Variants in DENND2A observed in about 807,000 individuals in gnomAD.
The protein encoded by DENND2A is DENN domain-containing protein 2A.
Under a neutral mutation model 105.3 loss-of-function variants are expected in DENND2A, and 53 were observed. The observed-to-expected ratio is 0.50, with a 90% CI of 0.40 to 0.63. The LOEUF is 0.63. Among genes scored for constraint, DENND2A ranks in the 30% least tolerant of loss-of-function variants. The pLI, the probability that DENND2A is intolerant of heterozygous loss-of-function variation, is 0.00. For synonymous variants in DENND2A, 522 were observed against 508.4 expected (o/e 1.03, Z -0.36); for missense variants, 1,138 against 1,279.6 (o/e 0.89, Z 1.69).
chr7:140,555,727 A>C lies in DENND2A; in HGVS notation c.1960-14T>G, dbSNP rs757757651. ...TTTGCCTCCAGGCTTTTCGGAGAGA[A>C]ACACAAGGGAATTATGAGTGTTGAC... On this transcript the variant is annotated splice_polypyrimidine_tract_variant and intron_variant, in intron 11 of 19. Coordinates refer to ENST00000496613, the MANE Select transcript of DENND2A (RefSeq NM_015689.5). 1 of 1,589,360 alleles carries C rather than the reference A, an allele frequency of 6.3e-7. No homozygotes were observed. Among genetic ancestry groups the C allele is most frequent in the Admixed American group, 1.9e-5 (1 of 51,472 alleles).
rs550459576 is a variant in DENND2A at position 140,536,174 on chromosome 7, GA to G, written c.2327+8443del. 1.9e-3 allele frequency among the ~76,000 whole-genome samples: 296 copies of G among 152,206 alleles called. 2 individuals are homozygous for G. Among genetic ancestry groups the G allele is most frequent in the African/African-American group, 6.5e-3 (270 of 41,544 alleles). ...TTGAGACCAGCCTGGCCAACATAGT[GA>G]AACCCCGTCTCTACTAAAAATGCAG... On this transcript the variant is annotated intron_variant, in intron 14 of 19. Coordinates refer to ENST00000496613, the MANE Select transcript of DENND2A (RefSeq NM_015689.5).
intron 13 of DENND2A, among the ~76,000 whole-genome samples, chr7:140,546,193 G>A (rs1796895812): frequency 6.6e-6 from 1 of 152,084 alleles, no homozygotes; most frequent in African/African-American, 2.4e-5. Flanking sequence ...GCTGAGGCGG[G>A]TGGATAATGA....
At chr7:140,626,956 G>A (rs370394887) in intron 1 of DENND2A, among the ~76,000 whole-genome samples, 2 of 152,244 alleles carry the variant, frequency 1.3e-5, no homozygotes, top group Admixed American at 6.5e-5. Flanking sequence ...GGAGAGCTGC[G>A]GGACCTCGAT....
chr7:140,619,335 A>G (rs1800195795), intron 1 of DENND2A, among the ~76,000 whole-genome samples: 1 of 152,146 alleles, frequency 6.6e-6, no homozygotes, highest in Admixed American at 6.5e-5. Flanking sequence ...GATTCTATAG[A>G]GACAGAAAGT....
At chr7:140,595,977 G>C (rs927030040) in intron 3 of DENND2A, among the ~76,000 whole-genome samples, 1 of 152,092 alleles carries the variant, frequency 6.6e-6, no homozygotes, top group African/African-American at 2.4e-5. Flanking sequence ...AGGTGCTCAG[G>C]GCAGGCGGCT....
intron 19 of DENND2A, among the ~76,000 whole-genome samples, chr7:140,519,244 A>G (rs6464818): frequency 0.16 from 24,345 of 151,958 alleles, 3,345 homozygotes; most frequent in African/African-American, 0.38. Context: ...TGATTAAACT[A>G]CAGTCCTTGT....
At chr7:140,605,510 A>G (rs1474985518) in intron 2 of DENND2A, among the ~76,000 whole-genome samples, 195 bp downstream of exon 2, 1 of 145,422 alleles carries the variant, frequency 6.9e-6, no homozygotes, top group Non-Finnish European at 1.5e-5. Flanking sequence ...ACTGGCCATT[A>G]GTCAGACTCT....
At chr7:140,561,304 G>T (rs1037439369) in intron 9 of DENND2A, among the ~76,000 whole-genome samples, 3 of 152,010 alleles carry the variant, frequency 2.0e-5, no homozygotes, top group South Asian at 2.1e-4. Flanking sequence ...GAGAATTGTA[G>T]GCTTTGTTGC....
intron 3 of DENND2A, among the ~76,000 whole-genome samples, chr7:140,592,861 C>A (rs269240): frequency 3.3e-5 from 5 of 152,060 alleles, no homozygotes; most frequent in Admixed American, 6.6e-5. Context: ...CCTCAGCCCC[C>A]CAAAGTGCTG....
chr7:140,627,064 C>A (rs936622064), intron 1 of DENND2A, among the ~76,000 whole-genome samples: 1 of 152,170 alleles, frequency 6.6e-6, no homozygotes, highest in Non-Finnish European at 1.5e-5. Context: ...GAAATTGCAC[C>A]TGTAAAACAT....
rs778406815 is a variant in DENND2A, at chr7:140,544,981, G to A, written c.2179-215C>T. ...AGGTAGCTTTGGTAGGGAAGCAAGC[G>A]TCTCACACTCAGCTATGAGACTGAG... On this transcript the variant is annotated intron_variant, in intron 13 of 19. Transcript: ENST00000496613. 7.7e-4 allele frequency: 414 copies of A among 539,534 alleles called. 1 individual carries two copies. The highest frequency in any genetic ancestry group is 9.1e-4 in the Non-Finnish European group (382 of 421,946). The allele number at this position is 539,534 out of a possible 1,614,324, so 33.4% of individuals were successfully genotyped here.
rs189263478 is a variant in DENND2A at position 140,584,382 on chromosome 7, G to A, written c.1245+1207C>T. Among the ~76,000 whole-genome samples the A allele has an allele frequency of 7.3e-4, 111 of 152,288 alleles. 1 individual carries two copies. The highest frequency in any genetic ancestry group is 2.5e-3 in the African/African-American group (105 of 41,548). ...CAACAGAGACCATATGGCCCACACA[G>A]CCCCAAATATTTACTCTATGGCCCT... On this transcript the variant is annotated intron_variant, in intron 5 of 19. Coordinates refer to ENST00000496613, the MANE Select transcript of DENND2A (RefSeq NM_015689.5).
intron 1 of DENND2A, among the ~76,000 whole-genome samples, chr7:140,609,088 G>C (rs1799793717): frequency 1.3e-5 from 2 of 152,160 alleles, no homozygotes; most frequent in South Asian, 4.1e-4. Flanking sequence ...AGACAATTTG[G>C]TCTTGTGATC....
chr7:140,621,129 A>C (rs760632627), intron 1 of DENND2A, among the ~76,000 whole-genome samples: 12 of 152,190 alleles, frequency 7.9e-5, no homozygotes, highest in Non-Finnish European at 1.3e-4. Flanking sequence ...CCTAGGCTCA[A>C]GTGATCCTCC....
At position 140,573,853 on chromosome 7, in the gene DENND2A, G is replaced by A. The variant is rs766616206; in HGVS notation, c.1401C>T (p.Asn467=). The change falls in exon 6 of 20, where the codon AAC becomes AAT. Residue 467 remains asparagine, a synonymous_variant. Transcript: ENST00000496613. ...TCCTGCCGTTCTGTGGGTCTCCAAG[G>A]TTAAAGAAAATGTCATCAGGGCTGC... ...TPSSPDDIFF[N]LGDPQNGRKK... 2.0e-5 allele frequency: 32 copies of A among 1,614,044 alleles called. No homozygotes were observed. In the South Asian group the frequency reaches 3.5e-4, roughly 18 times the overall value.
At chr7:140,549,818 C>A (rs1797048365) in intron 12 of DENND2A, among the ~76,000 whole-genome samples, 1 of 152,044 alleles carries the variant, frequency 6.6e-6, no homozygotes, top group African/African-American at 2.4e-5. Context: ...CAGAATAATT[C>A]ACAATGGCCA....
chr7:140,547,842 TGAAAACATTATGCTAAATG>T (rs1402027633), intron 12 of DENND2A, among the ~76,000 whole-genome samples: 1 of 152,184 alleles, frequency 6.6e-6, no homozygotes, highest in African/African-American at 2.4e-5. Flanking sequence ...GGATGACTCT[TGAAAACATTATGCTAAATG>T]AAAGAAGCTA....
chr7:140,575,051 C>T (rs999219494), intron 5 of DENND2A, among the ~76,000 whole-genome samples: 5 of 151,880 alleles, frequency 3.3e-5, no homozygotes, highest in African/African-American at 9.7e-5. Context: ...AAAAGGCAAA[C>T]AAAATACTTG....
chr7:140,547,999 G>C (rs1197332195), intron 12 of DENND2A, among the ~76,000 whole-genome samples: 1 of 152,186 alleles, frequency 6.6e-6, no homozygotes, highest in East Asian at 1.9e-4. Flanking sequence ...GGTATAGGGT[G>C]TTTTGTTGGG....
Sources: allele counts gnomAD v4.1 joint callset (sites outside exome capture counted in the v4.1 genomes callset), GRCh38; gene constraint gnomAD v4.1.1; transcripts MANE v1.5; gene names NCBI Gene and HGNC (gene_info 2026-07-23, HGNC 2026-07-21).